The following ADIPOR2 variants were observed in gnomAD, a reference collection of about 807,000 sequenced individuals.
ADIPOR2 encodes adiponectin receptor protein 2.
Under a neutral mutation model 40.9 loss-of-function variants are expected in ADIPOR2, and 18 were observed. That is an observed-to-expected ratio of 0.44 (90% CI 0.30 to 0.65). The LOEUF (loss-of-function observed/expected upper bound fraction) is 0.65, where lower values mean the gene tolerates loss of function less well. Ranked by LOEUF, ADIPOR2 falls within the 30% of genes least tolerant of loss-of-function variation. The pLI is 0.09. For synonymous variants in ADIPOR2, 165 were observed against 166.4 expected, an observed-to-expected ratio of 0.99 and a Z score of 0.06; for missense variants, 283 against 479.2, an observed-to-expected ratio of 0.59 and a Z score of 3.82.
At chr12:1,706,741 C>T (rs570394677) in intron 1 of ADIPOR2, among the ~76,000 whole-genome samples, 4 of 152,148 alleles carry the variant, frequency 2.6e-5, no homozygotes, top group South Asian at 2.1e-4. Flanking sequence ...AAACCTTCCT[C>T]GTGTCCCTCA....
At chr12:1,766,415 T>C (rs1455184875) in intron 2 of ADIPOR2, among the ~76,000 whole-genome samples, 1 of 152,180 alleles carries the variant, frequency 6.6e-6, no homozygotes, top group Admixed American at 6.5e-5. Context: ...ACAAGACACC[T>C]GGGGCCTGAA....
rs371076886 is a variant in ADIPOR2, at chr12:1,778,031, T to G, written c.463+6T>G. 3.7e-6 allele frequency: 6 copies of G among 1,610,424 alleles called. No homozygotes were observed. In the African/African-American group the frequency reaches 8.0e-5, roughly 22 times the overall value. On this transcript the variant is annotated splice_donor_region_variant and intron_variant, in intron 4 of 7. Transcript: ENST00000357103. ...CATTTGGACACATCTCTTAGGTATG[T>G]AATGTCAGTGATGTAATGAGCTGGT... is the stretch of plus-strand genomic sequence containing the variant.
At position 1,715,020 on chromosome 12, in the gene ADIPOR2, G is replaced by A. The variant is rs552841860; in HGVS notation, c.-87+23829G>A. ...CCTACAGCTTGAAGGGGACATAACC[G>A]ATAGCCTGGGAGTTTTTGTGGTCCT... is the stretch of plus-strand genomic sequence containing the variant. On this transcript the variant is annotated intron_variant, in intron 1 of 7. Coordinates refer to ENST00000357103, the MANE Select transcript of ADIPOR2 (RefSeq NM_024551.3). Among the ~76,000 whole-genome samples, 151 of 152,080 alleles carry A rather than the reference G, an allele frequency of 9.9e-4. 2 individuals carry two copies. Among genetic ancestry groups the A allele is most frequent in the African/African-American group, 3.4e-3 (142 of 41,422 alleles).
chr12:1,785,985 A>C lies in ADIPOR2; in HGVS notation c.1074A>C (p.Gly358=). 6.2e-7 allele frequency: 1 copy of C among 1,613,976 alleles called. No individual in the cohort carries two copies. Among genetic ancestry groups the C allele is most frequent in the Non-Finnish European group, 8.5e-7 (1 of 1,180,012 alleles). The change falls in exon 8 of 8, where the codon GGA becomes GGC. Residue 358 remains glycine, a synonymous_variant. Transcript: ENST00000357103. ...TGTTTCATATCTTTGTGGTTGCTGG[A>C]GCTTTTGTTCACTTCCATGGTGTCT... is the stretch of plus-strand genomic sequence containing the variant. ...HQLFHIFVVA[G]AFVHFHGVSN...
chr12:1,726,718 T>C (rs1036817922), intron 1 of ADIPOR2, among the ~76,000 whole-genome samples: 11 of 152,116 alleles, frequency 7.2e-5, no homozygotes, highest in African/African-American at 2.7e-4. Context: ...ACTATGCTAG[T>C]GTCACTTTTT....
At chr12:1,745,330 C>G (rs967025650) in intron 1 of ADIPOR2, among the ~76,000 whole-genome samples, 3 of 152,144 alleles carry the variant, frequency 2.0e-5, no homozygotes, top group African/African-American at 7.2e-5. Context: ...CTTGTTGCCA[C>G]TTGTTTAAAA....
chr12:1,764,293 A>G (rs141100144), intron 2 of ADIPOR2, among the ~76,000 whole-genome samples: 53 of 152,244 alleles, frequency 3.5e-4, no homozygotes, highest in African/African-American at 1.1e-3. Context: ...TCATAAATCA[A>G]TCCAGTTAGG....
intron 2 of ADIPOR2, among the ~76,000 whole-genome samples, chr12:1,765,018 G>A (rs1161033090): frequency 6.6e-6 from 1 of 152,012 alleles, no homozygotes; most frequent in Non-Finnish European, 1.5e-5. Context: ...GTTTTTTAGT[G>A]AACAAATGTA....
At chr12:1,707,412 CT>C (rs60914975) in intron 1 of ADIPOR2, among the ~76,000 whole-genome samples, 142,331 of 148,366 alleles carry the variant, frequency 0.96, 68,489 homozygotes, top group South Asian at 1. Flanking sequence ...TTAATTTTAA[CT>C]TTTTTTTTTT....
At chr12:1,773,027 AAG>A in intron 3 of ADIPOR2, 66 bp downstream of exon 3, 1 of 1,565,892 alleles carries the variant, frequency 6.4e-7, no homozygotes, top group Non-Finnish European at 8.7e-7. Context: ...GAAACCTTTA[AAG>A]AGAGTGGTAG....
intron 2 of ADIPOR2, among the ~76,000 whole-genome samples, chr12:1,763,481 T>G (rs760810065): frequency 4.5e-4 from 69 of 152,372 alleles, no homozygotes; most frequent in African/African-American, 1.1e-3. Flanking sequence ...GAGAAAGCAC[T>G]TAATAAATGT....
At chr12:1,723,525 C>T (rs917949198) in intron 1 of ADIPOR2, among the ~76,000 whole-genome samples, 16 of 150,836 alleles carry the variant, frequency 1.1e-4, no homozygotes, top group East Asian at 7.7e-4. Context: ...TGCCTGTACT[C>T]CCAGTTACTC....
At chr12:1,743,942 A>G (rs2094749156) in intron 1 of ADIPOR2, among the ~76,000 whole-genome samples, 1 of 152,146 alleles carries the variant, frequency 6.6e-6, no homozygotes, top group Non-Finnish European at 1.5e-5. Context: ...AGACTGTGTC[A>G]TTGTGTATGC....
chr12:1,763,269 C>G (rs532907536), intron 2 of ADIPOR2, among the ~76,000 whole-genome samples: 1 of 152,266 alleles, frequency 6.6e-6, no homozygotes, highest in Non-Finnish European at 1.5e-5. Flanking sequence ...TGATGGAGAG[C>G]CAGTGATCAC....
rs1407080418 is a variant in ADIPOR2 at position 1,757,376 on chromosome 12, G to T, written c.171+2862G>T. 4.2e-6 allele frequency: 3 copies of T among 713,976 alleles called. No individual in the cohort carries two copies. In the East Asian group the frequency reaches 7.4e-5, roughly 18 times the overall value. 44.2% of individuals were successfully genotyped at this position (713,976 alleles called of 1,614,324 possible). On this transcript the variant is annotated intron_variant, in intron 2 of 7. Transcript: ENST00000357103. Reference sequence around the variant, plus strand: ...TGTTGGAAAGTTGAGTGGCAAAGCTGTTTCCATTGGCATCTTTCATGTGAA... The same window carrying T: ...TGTTGGAAAGTTGAGTGGCAAAGCTTTTTCCATTGGCATCTTTCATGTGAA...
intron 3 of ADIPOR2, 48 bp from the exon 4 acceptor site, chr12:1,777,806 A>C: frequency 6.4e-7 from 1 of 1,568,030 alleles, no homozygotes; most frequent in Non-Finnish European, 8.7e-7. Flanking sequence ...AGTGTTGGTA[A>C]ATTGACAACT....
At chr12:1,731,378 TA>T (rs2094719965) in intron 1 of ADIPOR2, among the ~76,000 whole-genome samples, 1 of 152,190 alleles carries the variant, frequency 6.6e-6, no homozygotes, top group African/African-American at 2.4e-5. Context: ...TTTACTATAT[TA>T]ACCATTTTAA....
chr12:1,747,208 A>G (rs1264724968), intron 1 of ADIPOR2, among the ~76,000 whole-genome samples: 5 of 152,228 alleles, frequency 3.3e-5, no homozygotes, highest in African/African-American at 1.2e-4. Context: ...ACCATATACT[A>G]TGCCATAAAA....
At chr12:1,755,472 T>C (rs1280606344) in intron 2 of ADIPOR2, among the ~76,000 whole-genome samples, 1 of 152,238 alleles carries the variant, frequency 6.6e-6, no homozygotes, top group Non-Finnish European at 1.5e-5. Flanking sequence ...AACCATACTT[T>C]AGCTATGACG....
Sources: gnomAD v4.1 joint callset for allele counts (sites outside exome capture counted in the v4.1 genomes callset) on GRCh38, gnomAD v4.1.1 for gene constraint, MANE v1.5 for transcripts, NCBI Gene and HGNC (gene_info 2026-07-23, HGNC 2026-07-21) for gene names.